Variants in RASGRF2 observed in about 807,000 individuals in gnomAD.
RASGRF2 encodes ras-specific guanine nucleotide-releasing factor 2.
In RASGRF2, 76 loss-of-function variants were observed where a neutral mutation model predicts 151.0. That is an observed-to-expected ratio of 0.50 (90% CI 0.42 to 0.61). The LOEUF (loss-of-function observed/expected upper bound fraction) is 0.61. Among genes scored for constraint, RASGRF2 ranks in the 20% least tolerant of loss-of-function variants. RASGRF2 has a pLI of 0.00. For missense variants in RASGRF2, 1,148 were observed against 1,564.6 expected (o/e 0.73, Z 4.49); for synonymous variants, 504 against 566.5 (o/e 0.89, Z 1.57).
chr5:81,060,005 G>A (rs568333097), intron 2 of RASGRF2, among the ~76,000 whole-genome samples: 1 of 152,344 alleles, frequency 6.6e-6, no homozygotes, highest in South Asian at 2.1e-4. Flanking sequence ...GGCAGAAGGC[G>A]AAGGAGGAGC....
chr5:81,173,932 C>T (rs1382173965), intron 17 of RASGRF2, among the ~76,000 whole-genome samples: 1 of 152,152 alleles, frequency 6.6e-6, no homozygotes, highest in East Asian at 1.9e-4. Flanking sequence ...ATAGTAGGTG[C>T]TTTATAGATA....
intron 17 of RASGRF2, among the ~76,000 whole-genome samples, chr5:81,178,665 G>A (rs532370055): frequency 3.3e-5 from 5 of 152,218 alleles, no homozygotes; most frequent in South Asian, 2.1e-4. Context: ...CTGTTTTGTC[G>A]CTGAGATGGG....
chr5:81,163,569 G>A (rs192787988), intron 17 of RASGRF2, among the ~76,000 whole-genome samples: 22 of 152,250 alleles, frequency 1.4e-4, no homozygotes, highest in Admixed American at 6.5e-4. Context: ...TTCAGGCAAA[G>A]CAGTTTTTGT....
intron 17 of RASGRF2, among the ~76,000 whole-genome samples, chr5:81,139,132 C>G (rs1021593935): frequency 1.3e-5 from 2 of 152,164 alleles, no homozygotes; most frequent in East Asian, 3.9e-4. Flanking sequence ...GCACTTATTC[C>G]TAAGTATTTG....
At chr5:81,002,030 A>G (rs1370086023) in intron 1 of RASGRF2, among the ~76,000 whole-genome samples, 4 of 152,220 alleles carry the variant, frequency 2.6e-5, no homozygotes, top group African/African-American at 9.6e-5. Context: ...TAATTTGGTT[A>G]TCACTGTAGT....
chr5:81,109,137 A>C (rs550344910), intron 13 of RASGRF2, 59 bp downstream of exon 13: 1 of 1,567,974 alleles, frequency 6.4e-7, no homozygotes, highest in Admixed American at 1.8e-5. Context: ...CGGAACATGT[A>C]AAACCTTGAA....
intron 1 of RASGRF2, chr5:80,998,139 C>G: frequency 6.6e-6 from 1 of 152,158 alleles, no homozygotes; most frequent in East Asian, 1.9e-4. Context: ...TTGCTGAACA[C>G]ACTTCCTTCC....
chr5:81,024,624 C>T (rs1013563366), intron 1 of RASGRF2, among the ~76,000 whole-genome samples: 3 of 152,078 alleles, frequency 2.0e-5, no homozygotes, highest in Non-Finnish European at 4.4e-5. Flanking sequence ...AACTGTCATA[C>T]GGAATAAGCA....
At chr5:80,977,401 G>C (rs1265050749) in intron 1 of RASGRF2, among the ~76,000 whole-genome samples, 1 of 152,138 alleles carries the variant, frequency 6.6e-6, no homozygotes, top group African/African-American at 2.4e-5. Flanking sequence ...AATTAACTGA[G>C]ATAATCTTAT....
At chr5:81,188,607 T>A (rs570862466) in intron 18 of RASGRF2, among the ~76,000 whole-genome samples, 21 of 151,606 alleles carry the variant, frequency 1.4e-4, no homozygotes, top group Middle Eastern at 6.8e-3. Flanking sequence ...AAACCCAATT[T>A]AAAAAAAAAT....
chr5:81,137,692 G>A (rs248982), intron 17 of RASGRF2, among the ~76,000 whole-genome samples: 88,109 of 152,130 alleles, frequency 0.58, 27,767 homozygotes, highest in East Asian at 0.81. Flanking sequence ...GGAAGAAGAC[G>A]GCCACCTACA....
intron 12 of RASGRF2, among the ~76,000 whole-genome samples, chr5:81,105,001 T>C (rs1561207374): frequency 6.6e-6 from 1 of 152,172 alleles, no homozygotes. Flanking sequence ...ACAAGTGAAC[T>C]GGGCAGATTG....
At chr5:81,009,903 A>G (rs1444955985) in intron 1 of RASGRF2, among the ~76,000 whole-genome samples, 1 of 152,198 alleles carries the variant, frequency 6.6e-6, no homozygotes, top group African/African-American at 2.4e-5. Context: ...TCACACCTGT[A>G]ATCCCAGCAC....
chr5:81,122,916 A>G (rs1753347817), intron 15 of RASGRF2, among the ~76,000 whole-genome samples: 1 of 152,140 alleles, frequency 6.6e-6, no homozygotes, highest in African/African-American at 2.4e-5. Flanking sequence ...AACCCTCCCA[A>G]TGGTTCATTT....
chr5:81,131,343 C>T lies in RASGRF2; in HGVS notation c.2686+4180C>T, dbSNP rs192595209. ...CTAATTTCCACATAGACTGGAAAAG[C>T]CTGGTTTTCAATCTTTTTGGGGGGT... On this transcript the variant is annotated intron_variant, in intron 17 of 26. Transcript: ENST00000265080. Among the ~76,000 whole-genome samples, 23 of 152,106 alleles carry T rather than the reference C, an allele frequency of 1.5e-4. 1 individual carries two copies. Among genetic ancestry groups the T allele is most frequent in the Admixed American group, 1.3e-4 (2 of 15,264 alleles).
intron 17 of RASGRF2, among the ~76,000 whole-genome samples, chr5:81,163,127 C>T (rs941932665): frequency 6.6e-6 from 1 of 152,088 alleles, no homozygotes; most frequent in Non-Finnish European, 1.5e-5. Context: ...GCCTCTGTGA[C>T]TCCACACCTG....
chr5:80,968,507 A>T (rs1276082343), intron 1 of RASGRF2, among the ~76,000 whole-genome samples: 1 of 152,208 alleles, frequency 6.6e-6, no homozygotes, highest in Non-Finnish European at 1.5e-5. Context: ...TCTTGGAAAG[A>T]GTTCATAATG....
chr5:81,200,155 C>T (rs1439080003), intron 18 of RASGRF2, among the ~76,000 whole-genome samples: 4 of 151,612 alleles, frequency 2.6e-5, no homozygotes, highest in Non-Finnish European at 5.9e-5. Context: ...CCTGTAGTCC[C>T]AGCTACTTGG....
rs186412955 is a variant in RASGRF2, at chr5:80,970,117, G to A, written c.288+9091G>A. 1.0e-3 allele frequency among the ~76,000 whole-genome samples: 153 copies of A among 152,234 alleles called. 8 individuals are homozygous for A. In the East Asian group the frequency reaches 0.024, roughly 24 times the overall value. ...TGGGATTACAGGCATGAGCCACCGC[G>A]CCCTTTGCACAGTTTTTCAACAGTG... On this transcript the variant is annotated intron_variant, in intron 1 of 26. Transcript: ENST00000265080.
Sources: gnomAD v4.1 joint callset for allele counts (sites outside exome capture counted in the v4.1 genomes callset) on GRCh38, gnomAD v4.1.1 for gene constraint, MANE v1.5 for transcripts, NCBI Gene and HGNC (gene_info 2026-07-23, HGNC 2026-07-21) for gene names.